Variants in NAA38 observed in about 807,000 individuals in gnomAD.
The protein encoded by NAA38 is LSM domain containing 1.
In NAA38, 15 loss-of-function variants were observed where a neutral mutation model predicts 12.6. The ratio of observed to expected loss-of-function variants is 1.19; its 90% CI spans 0.79 to 1.83. The LOEUF (loss-of-function observed/expected upper bound fraction) is 1.83. Among genes scored for constraint, NAA38 ranks in the 40% most tolerant of loss-of-function variants. The pLI is 0.00. For synonymous variants in NAA38, 88 were observed against 69.9 expected, an observed-to-expected ratio of 1.26 and a Z score of -1.29; for missense variants, 183 against 171.7, an observed-to-expected ratio of 1.07 and a Z score of -0.37.
At chr17:7,858,752 G>A, upstream of NAA38, 1 of 1,599,376 alleles carries the variant, frequency 6.3e-7, no homozygotes, top group Non-Finnish European at 8.5e-7. Flanking sequence ...ATTATGAGGT[G>A]GGGCGGCTGT....
At chr17:7,857,232 A>G in intron 1 of NAA38, 34 bp from the exon 2 acceptor site, 1 of 1,610,932 alleles carries the variant, frequency 6.2e-7, no homozygotes, top group Non-Finnish European at 8.5e-7. Flanking sequence ...CAGACCGCGC[A>G]GCCCAGGCTG....
At chr17:7,866,947 G>A (rs1363507751) in intron 2 of NAA38, among the ~76,000 whole-genome samples, 3 of 152,164 alleles carry the variant, frequency 2.0e-5, no homozygotes, top group African/African-American at 7.2e-5. Flanking sequence ...AGCTAAGTAT[G>A]AAACACACAT....
At chr17:7,859,512 T>A (rs750122461), upstream of NAA38, 13 of 1,614,096 alleles carry the variant, frequency 8.1e-6, no homozygotes, top group Non-Finnish European at 1.0e-5. Flanking sequence ...GAGAATGGGA[T>A]CCGGGATGAG....
At chr17:7,857,861 C>T (rs1427712512), upstream of NAA38, 119 of 1,380,940 alleles carry the variant, frequency 8.6e-5, no homozygotes, top group Non-Finnish European at 1.1e-4. Flanking sequence ...CTGCCCCACC[C>T]CGCAACTCCT....
At chr17:7,867,071 G>A (rs1210461708) in intron 2 of NAA38, among the ~76,000 whole-genome samples, 1 of 152,158 alleles carries the variant, frequency 6.6e-6, no homozygotes, top group African/African-American at 2.4e-5. Flanking sequence ...AGGGATAGGT[G>A]GAGGAGAGAA....
At chr17:7,881,093 A>AT (rs1188087864) in intron 2 of NAA38, among the ~76,000 whole-genome samples, 1 of 152,212 alleles carries the variant, frequency 6.6e-6, no homozygotes, top group Non-Finnish European at 1.5e-5. Flanking sequence ...AAAGACTTGT[A>AT]TATGTGTAGA....
intron 3 of NAA38, chr17:7,864,305 C>T (rs928435545): frequency 1.1e-4 from 16 of 152,148 alleles, no homozygotes; most frequent in African/African-American, 3.9e-4. Context: ...AAAAGAAAAA[C>T]CCAAAAAGCT....
chr17:7,859,347 G>C (rs2078864894), upstream of NAA38: 1 of 1,572,994 alleles, frequency 6.4e-7, no homozygotes, highest in Admixed American at 1.7e-5. Context: ...ACTCCATCCA[G>C]AATTCTGGGG....
intron 2 of NAA38, among the ~76,000 whole-genome samples, chr17:7,867,174 A>G (rs992597442): frequency 6.6e-6 from 1 of 152,106 alleles, no homozygotes; most frequent in African/African-American, 2.4e-5. Context: ...GGTAAAGCTA[A>G]GAGGAAAGCG....
chr17:7,874,653 A>G (rs1967141785), intron 2 of NAA38, among the ~76,000 whole-genome samples: 1 of 151,320 alleles, frequency 6.6e-6, no homozygotes, highest in Non-Finnish European at 1.5e-5. Flanking sequence ...TGGGAGGCCA[A>G]GGTGGGTGGA....
chr17:7,857,579 C>G (rs995933874), upstream of NAA38: 7 of 1,394,570 alleles, frequency 5.0e-6, no homozygotes, highest in African/African-American at 7.3e-5. Context: ...CCTCTCCTCC[C>G]CCTCCTAGTC....
intron 2 of NAA38, among the ~76,000 whole-genome samples, chr17:7,882,896 T>C (rs982585639): frequency 1.3e-5 from 2 of 151,770 alleles, no homozygotes; most frequent in African/African-American, 2.4e-5. Flanking sequence ...ACTGGAGAGG[T>C]AGAGGAATAA....
rs201505546 is a variant in NAA38, at chr17:7,856,721, G to A, written c.*10C>T. ...GTTTAATGAAGTCTGAAAGGTAAGC[G>A]CCATCGTGGTCAGAGATACGGAGGC... On this transcript the variant is annotated 3_prime_UTR_variant, in exon 3 of 3. Transcript: ENST00000575771. The A allele has an allele frequency of 1.3e-4, 215 of 1,604,130 alleles. 2 individuals are homozygous for A. The highest frequency in any genetic ancestry group is 1.1e-3 in the South Asian group (101 of 90,874).
chr17:7,857,190 G>C lies in NAA38; in HGVS notation c.90C>G (p.Asp30Glu), dbSNP rs139370554. Residue 30 changes from aspartate to glutamate, a missense_variant, in exon 2 of 3, where the codon GAC (aspartate) becomes GAG (glutamate). Transcript: ENST00000575771. ...CAGCCGCCGAGTCCTCGCGCTCTCC[G>C]TCCGAATCCTGCGCGGGGTGTAACA... Reference protein sequence around the residue: ...RQSSSSAGDSDGEREDSAAER... With the variant: ...RQSSSSAGDSEGEREDSAAER... 43 of 1,613,066 alleles carry C rather than the reference G, an allele frequency of 2.7e-5. No individual in the cohort carries two copies. The African/African-American group carries it at 5.1e-4, about 19-fold the overall frequency.
chr17:7,867,396 T>C (rs900784980), intron 2 of NAA38, among the ~76,000 whole-genome samples: 1 of 152,178 alleles, frequency 6.6e-6, no homozygotes, highest in Non-Finnish European at 1.5e-5. Flanking sequence ...TGGAGTGCAA[T>C]GGCATGATCT....
At chr17:7,879,898 C>G (rs934710794) in intron 2 of NAA38, among the ~76,000 whole-genome samples, 1 of 151,650 alleles carries the variant, frequency 6.6e-6, no homozygotes, top group Non-Finnish European at 1.5e-5. Flanking sequence ...AAGAACTGAG[C>G]AGACAGAGAA....
chr17:7,866,548 C>A (rs1196793130), exon 3 of NAA38: 2 of 1,229,994 alleles, frequency 1.6e-6, no homozygotes, highest in East Asian at 6.3e-5. Context: ...CCCACGTTGG[C>A]CTTTCAGTTT....
At chr17:7,859,329 A>G (rs1027483022), upstream of NAA38, 3 of 1,433,210 alleles carry the variant, frequency 2.1e-6, no homozygotes, top group South Asian at 2.3e-5. Context: ...CAGCGTGTGT[A>G]TATGTATACT....
chr17:7,857,476 C>A lies in NAA38; in HGVS notation c.-13G>T, dbSNP rs776222142. 1 of 1,514,652 alleles carries A rather than the reference C, an allele frequency of 6.6e-7. No homozygotes were observed. Among genetic ancestry groups the A allele is most frequent in the Non-Finnish European group, 8.8e-7 (1 of 1,131,532 alleles). 93.8% of individuals were successfully genotyped at this position (1,514,652 alleles called of 1,614,324 possible). A position where few individuals can be genotyped will look rare whatever the true frequency, so the allele number is the denominator to read the frequency against. ...CAGCTCCGGCCATTTGCCCGGAGGC[C>A]TCCTCTGGGCCTTTCAACTTCCTAA... On this transcript the variant is annotated 5_prime_UTR_variant, in exon 1 of 3. In the 5' UTR this introduces an upstream ATG that the reference lacks. Transcript: ENST00000575771.
Sources: gnomAD v4.1 joint callset for allele counts (sites outside exome capture counted in the v4.1 genomes callset) on GRCh38, gnomAD v4.1.1 for gene constraint, MANE v1.5 for transcripts, NCBI Gene and HGNC (gene_info 2026-07-23, HGNC 2026-07-21) for gene names.